THRB: variants seen among roughly 807,000 people sequenced by gnomAD.
THRB encodes thyroid hormone receptor beta.
Under a neutral mutation model 47.8 loss-of-function variants are expected in THRB, and 12 were observed. The observed-to-expected ratio is 0.25, with a 90% CI of 0.16 to 0.41. The LOEUF (loss-of-function observed/expected upper bound fraction) is 0.41. THRB is among the 10% of genes least tolerant of loss of function. The pLI is 1.00. For missense variants in THRB, 348 were observed against 589.2 expected, an observed-to-expected ratio of 0.59 and a Z score of 4.24; for synonymous variants, 218 against 212.2, an observed-to-expected ratio of 1.03 and a Z score of -0.24.
intron 1 of THRB, among the ~76,000 whole-genome samples, chr3:24,366,702 C>T (rs997000779): frequency 1.3e-5 from 2 of 149,640 alleles, no homozygotes; most frequent in Admixed American, 1.3e-4. Flanking sequence ...CTCACTGCAG[C>T]CTCAGCCTCC....
At chr3:24,136,001 T>TA (rs1377272108) in intron 8 of THRB, among the ~76,000 whole-genome samples, 1 of 151,924 alleles carries the variant, frequency 6.6e-6, no homozygotes, top group Admixed American at 6.6e-5. Flanking sequence ...GCTGATCTGA[T>TA]ATATTTAAAT....
chr3:24,458,333 C>T (rs200152740), intron 1 of THRB: 1 of 151,960 alleles, frequency 6.6e-6, no homozygotes, highest in African/African-American at 2.4e-5. Context: ...CAAAAGACCA[C>T]GGAAGAGTTT....
intron 3 of THRB, among the ~76,000 whole-genome samples, chr3:24,295,290 T>C (rs903129653): frequency 2.6e-5 from 4 of 152,232 alleles, no homozygotes; most frequent in African/African-American, 9.6e-5. Context: ...ACCACATGCA[T>C]GTATACTTCG....
chr3:24,248,220 T>C (rs2050303618), intron 3 of THRB, among the ~76,000 whole-genome samples: 2 of 152,020 alleles, frequency 1.3e-5, no homozygotes, highest in South Asian at 4.1e-4. Context: ...TAGGAGTATA[T>C]ACAAATGAAC....
chr3:24,218,273 A>G (rs1311745890), intron 4 of THRB, among the ~76,000 whole-genome samples: 1 of 151,874 alleles, frequency 6.6e-6, no homozygotes, highest in African/African-American at 2.4e-5. Context: ...GTCTCAAAAA[A>G]AAACAAAAAA....
At chr3:24,321,963 T>A (rs2058513802) in intron 2 of THRB, among the ~76,000 whole-genome samples, 1 of 150,504 alleles carries the variant, frequency 6.6e-6, no homozygotes, top group South Asian at 2.1e-4. Context: ...AAATTTCACC[T>A]TTTTTTTTAA....
chr3:24,186,944 C>CAAAAAA (rs71057655), intron 5 of THRB, among the ~76,000 whole-genome samples: 36 of 77,514 alleles, frequency 4.6e-4, no homozygotes, highest in Non-Finnish European at 6.1e-4. Flanking sequence ...GACTCCATTT[C>CAAAAAA]AAAAAAAAAA....
At chr3:24,140,271 A>G (rs2035263013) in intron 8 of THRB, among the ~76,000 whole-genome samples, 1 of 152,172 alleles carries the variant, frequency 6.6e-6, no homozygotes, top group Non-Finnish European at 1.5e-5. Flanking sequence ...ATATTTATCG[A>G]GTTCTGTTCT....
intron 1 of THRB, among the ~76,000 whole-genome samples, chr3:24,410,148 A>C (rs1468747655): frequency 1.3e-5 from 2 of 151,904 alleles, no homozygotes; most frequent in African/African-American, 4.8e-5. Context: ...AGAAAAATTT[A>C]GAAAGCAGTG....
chr3:24,273,858 G>A (rs373462823), intron 3 of THRB, among the ~76,000 whole-genome samples: 2 of 151,760 alleles, frequency 1.3e-5, no homozygotes, highest in Non-Finnish European at 2.9e-5. Context: ...TTTGGATAAG[G>A]AACTATGGGC....
intron 4 of THRB, among the ~76,000 whole-genome samples, chr3:24,204,005 C>T (rs982887144): frequency 2.9e-4 from 44 of 152,348 alleles, no homozygotes; most frequent in African/African-American, 9.9e-4. Flanking sequence ...ACAAAGCAGC[C>T]GGGAAGCTCG....
chr3:24,465,331 C>G (rs62228848), intron 1 of THRB, among the ~76,000 whole-genome samples: 46,105 of 152,020 alleles, frequency 0.3, 7,070 homozygotes, highest in East Asian at 0.35. Context: ...GTAACGTTAT[C>G]TCTACTCCAA....
chr3:24,168,660 T>C (rs1008825432), intron 5 of THRB, among the ~76,000 whole-genome samples: 1 of 151,780 alleles, frequency 6.6e-6, no homozygotes, highest in Non-Finnish European at 1.5e-5. Flanking sequence ...CCCCAGTCCC[T>C]TCACCAAGGA....
intron 1 of THRB, among the ~76,000 whole-genome samples, chr3:24,488,167 C>T (rs1489621003): frequency 6.6e-6 from 1 of 152,198 alleles, no homozygotes; most frequent in African/African-American, 2.4e-5. Flanking sequence ...AGTCTACATT[C>T]CTTTGTCCAC....
intron 2 of THRB, among the ~76,000 whole-genome samples, chr3:24,331,347 C>G (rs1483698035): frequency 1.3e-5 from 2 of 152,108 alleles, no homozygotes; most frequent in Non-Finnish European, 2.9e-5. Context: ...GAGAACAAAA[C>G]TTAACAACTA....
chr3:24,483,499 T>TA (rs34571938), intron 1 of THRB, among the ~76,000 whole-genome samples: 20,386 of 144,422 alleles, frequency 0.14, 1,534 homozygotes, highest in Admixed American at 0.21. Flanking sequence ...TAGTTCTCTT[T>TA]AAAAAAAAAA....
intron 1 of THRB, among the ~76,000 whole-genome samples, chr3:24,417,101 C>T (rs939460198): frequency 4.9e-5 from 1 of 20,546 alleles, no homozygotes; most frequent in Non-Finnish European, 1.3e-4. Context: ...AACCAACACA[C>T]ACACACACAC....
At chr3:24,461,856 A>G (rs1382351018) in intron 1 of THRB, among the ~76,000 whole-genome samples, 2 of 152,220 alleles carry the variant, frequency 1.3e-5, no homozygotes, top group Non-Finnish European at 2.9e-5. Flanking sequence ...ATGGTCATCA[A>G]TGAGACTTAT....
At chr3:24,469,260 G>A (rs2125739582) in intron 1 of THRB, among the ~76,000 whole-genome samples, 1 of 152,272 alleles carries the variant, frequency 6.6e-6, no homozygotes, top group Non-Finnish European at 1.5e-5. Context: ...ATCCGTCTTG[G>A]ATTTCTGGGC....
Sources: allele counts gnomAD v4.1 joint callset (sites outside exome capture counted in the v4.1 genomes callset), GRCh38; gene constraint gnomAD v4.1.1; transcripts MANE v1.5; gene names NCBI Gene and HGNC (gene_info 2026-07-23, HGNC 2026-07-21).